The following WDR7 variants were observed in gnomAD, a reference collection of about 807,000 sequenced individuals.
WDR7 encodes WD repeat domain 7.
Under a neutral mutation model 169.4 loss-of-function variants are expected in WDR7, and 46 were observed. The ratio of observed to expected loss-of-function variants is 0.27; its 90% CI spans 0.21 to 0.35. WDR7 has a LOEUF of 0.35. Ranked by LOEUF, WDR7 falls within the 10% of genes least tolerant of loss-of-function variation. The pLI is 1.00. For synonymous variants in WDR7, 612 were observed against 666.8 expected, an observed-to-expected ratio of 0.92 and a Z score of 1.27; for missense variants, 1,534 against 1,859.3, an observed-to-expected ratio of 0.83 and a Z score of 3.22.
intron 21 of WDR7, among the ~76,000 whole-genome samples, chr18:56,895,862 T>G (rs1421295448): frequency 6.6e-6 from 1 of 151,848 alleles, no homozygotes; most frequent in East Asian, 1.9e-4. Flanking sequence ...AATATACACA[T>G]TGTACACAAT....
At chr18:56,708,358 T>C (rs1051069615) in intron 12 of WDR7, among the ~76,000 whole-genome samples, 21 of 152,026 alleles carry the variant, frequency 1.4e-4, no homozygotes, top group Non-Finnish European at 3.1e-4. Context: ...TGTAATGATA[T>C]AGGTATGATT....
intron 19 of WDR7, among the ~76,000 whole-genome samples, chr18:56,812,036 A>G (rs1427916591): frequency 1.3e-5 from 2 of 152,184 alleles, no homozygotes; most frequent in Non-Finnish European, 2.9e-5. Context: ...TTAAATCTGT[A>G]TATCAGTCAA....
intron 21 of WDR7, among the ~76,000 whole-genome samples, chr18:56,891,475 T>C (rs998210558): frequency 6.6e-6 from 1 of 152,106 alleles, no homozygotes; most frequent in Non-Finnish European, 1.5e-5. Flanking sequence ...TACTTATAAA[T>C]GTTAGTTTCT....
chr18:56,761,083 C>T (rs1415364513), intron 16 of WDR7, among the ~76,000 whole-genome samples: 1 of 152,158 alleles, frequency 6.6e-6, no homozygotes, highest in African/African-American at 2.4e-5. Flanking sequence ...AATCACAGCT[C>T]ACTGCAGCCT....
intron 13 of WDR7, among the ~76,000 whole-genome samples, chr18:56,728,342 A>G (rs2026505372): frequency 6.6e-6 from 1 of 152,184 alleles, no homozygotes; most frequent in African/African-American, 2.4e-5. Context: ...TTGGATCTCT[A>G]TTTTATACAA....
chr18:56,823,822 C>G (rs1299550134), intron 20 of WDR7, among the ~76,000 whole-genome samples: 1 of 152,152 alleles, frequency 6.6e-6, no homozygotes, highest in Non-Finnish European at 1.5e-5. Flanking sequence ...TTTGTCTTCT[C>G]TGTTTCCACA....
At chr18:56,765,627 A>C (rs1009630028) in intron 16 of WDR7, among the ~76,000 whole-genome samples, 1 of 152,172 alleles carries the variant, frequency 6.6e-6, no homozygotes, top group Non-Finnish European at 1.5e-5. Context: ...GTTTAACAGT[A>C]ATTATATTTT....
intron 19 of WDR7, among the ~76,000 whole-genome samples, chr18:56,811,809 G>T (rs1000684122): frequency 6.6e-6 from 1 of 151,916 alleles, no homozygotes; most frequent in African/African-American, 2.4e-5. Context: ...TCTGTTTCTT[G>T]GTTCTCTATT....
intron 25 of WDR7, among the ~76,000 whole-genome samples, chr18:56,958,368 T>C (rs113207566): frequency 0.042 from 6,396 of 152,276 alleles, 447 homozygotes; most frequent in African/African-American, 0.14. Flanking sequence ...CTTTTAATTA[T>C]GTTTTGCCCT....
At chr18:56,776,430 G>A (rs1004774730) in intron 16 of WDR7, among the ~76,000 whole-genome samples, 1 of 152,002 alleles carries the variant, frequency 6.6e-6, no homozygotes, top group Non-Finnish European at 1.5e-5. Flanking sequence ...CTTTTTCATC[G>A]TGATACATTT....
intron 20 of WDR7, among the ~76,000 whole-genome samples, chr18:56,861,589 T>C (rs1011446059): frequency 2.0e-5 from 3 of 152,194 alleles, no homozygotes; most frequent in Admixed American, 6.6e-5. Context: ...TAGGGCCTGC[T>C]ATAATTCTGT....
chr18:56,780,863 T>A (rs1160942678), intron 18 of WDR7, among the ~76,000 whole-genome samples: 3 of 152,246 alleles, frequency 2.0e-5, no homozygotes, highest in Non-Finnish European at 2.9e-5. Context: ...TTCATGCCTG[T>A]GGCATTTTTG....
intron 14 of WDR7, among the ~76,000 whole-genome samples, chr18:56,738,794 A>G (rs1319604682): frequency 7.3e-6 from 1 of 137,620 alleles, no homozygotes; most frequent in East Asian, 2.1e-4. Context: ...GATAGCATAA[A>G]ATCCTTTTTT....
At chr18:56,936,682 A>G (rs530744716) in intron 23 of WDR7, among the ~76,000 whole-genome samples, 1 of 152,322 alleles carries the variant, frequency 6.6e-6, no homozygotes, top group South Asian at 2.1e-4. Flanking sequence ...CCCCAGAGCT[A>G]TCCCTAATAG....
chr18:56,829,713 G>A (rs1349307662), intron 20 of WDR7, among the ~76,000 whole-genome samples: 1 of 152,210 alleles, frequency 6.6e-6, no homozygotes, highest in South Asian at 2.1e-4. Flanking sequence ...CACAGATTGT[G>A]AAACTATCAA....
At chr18:56,710,399 G>A (rs2026061716) in intron 12 of WDR7, among the ~76,000 whole-genome samples, 1 of 152,018 alleles carries the variant, frequency 6.6e-6, no homozygotes, top group South Asian at 2.1e-4. Flanking sequence ...TGTGCATATT[G>A]CATCTTCATT....
At chr18:56,859,815 C>T (rs2045777041) in intron 20 of WDR7, among the ~76,000 whole-genome samples, 2 of 152,160 alleles carry the variant, frequency 1.3e-5, no homozygotes, top group Non-Finnish European at 2.9e-5. Flanking sequence ...CTTCATATGG[C>T]TTCTACTTTG....
At chr18:56,697,894 G>A (rs1360419431) in intron 12 of WDR7, among the ~76,000 whole-genome samples, 3 of 152,226 alleles carry the variant, frequency 2.0e-5, no homozygotes, top group Non-Finnish European at 2.9e-5. Flanking sequence ...TTACAAATGT[G>A]ATTAAAAGTT....
In WDR7 at chr18:56,834,423, G is replaced by A. The variant is rs563039945; in HGVS notation, c.3304+18279G>A. On this transcript the variant is annotated intron_variant, in intron 20 of 27. Coordinates refer to ENST00000254442, the MANE Select transcript of WDR7 (RefSeq NM_015285.3). ...TCCCTACATACACACCTATCCAGTT[G>A]TGGGGCTCACTGCTTGCAATTTCGT... Among the ~76,000 whole-genome samples the A allele has an allele frequency of 2.0e-5, 3 of 152,202 alleles. No individual in the cohort carries two copies. In the East Asian group the frequency reaches 5.8e-4, roughly 29 times the overall value.
Sources: gnomAD v4.1 joint callset for allele counts (sites outside exome capture counted in the v4.1 genomes callset) on GRCh38, gnomAD v4.1.1 for gene constraint, MANE v1.5 for transcripts, NCBI Gene and HGNC (gene_info 2026-07-23, HGNC 2026-07-21) for gene names.